The following SIK2 variants were observed in gnomAD, a reference collection of about 807,000 sequenced individuals.
SIK2 encodes the protein serine/threonine-protein kinase SIK2.
SIK2 carries 29 observed loss-of-function variants against 103.2 expected under a neutral mutation model. The ratio of observed to expected loss-of-function variants is 0.28; its 90% CI spans 0.21 to 0.38. SIK2 has a LOEUF of 0.38. Ranked by LOEUF, SIK2 falls within the 10% of genes least tolerant of loss-of-function variation. SIK2 has a pLI of 1.00. For synonymous variants in SIK2, 412 were observed against 446.1 expected (o/e 0.92, Z 0.96); for missense variants, 879 against 1,171.0 (o/e 0.75, Z 3.64).
intron 3 of SIK2, among the ~76,000 whole-genome samples, chr11:111,683,649 G>A (rs530880730): frequency 1.4e-4 from 22 of 151,916 alleles, no homozygotes; most frequent in South Asian, 2.1e-4. Context: ...ATGGGGTTTC[G>A]CCAGGTTGGC....
Position 111,722,655 on chromosome 11 carries a change from G to A in SIK2, c.2056-10G>A. ...ATTGTCACGCTCATGTTGTTTTTCTGCTCTTCCAGAAGCCCAGCCTTCTGT... is the reference window on the plus strand; with the variant it reads ...ATTGTCACGCTCATGTTGTTTTTCTACTCTTCCAGAAGCCCAGCCTTCTGT... On this transcript the variant is annotated splice_polypyrimidine_tract_variant and intron_variant, in intron 13 of 14. Coordinates refer to ENST00000304987, the MANE Select transcript of SIK2 (RefSeq NM_015191.3). This position sits in a 1 kb window ranked among gnomAD's most constrained non-coding sequence, Gnocchi z 4.4. The A allele has an allele frequency of 6.2e-7, 1 of 1,612,494 alleles. No homozygotes were observed. The highest frequency in any genetic ancestry group is 8.5e-7 in the Non-Finnish European group (1 of 1,179,430).
rs766988485 is a variant in SIK2, at chr11:111,729,597, T to A, written c.*5468T>A. 6.6e-6 allele frequency: 1 copy of A among 152,268 alleles called. No individual in the cohort carries two copies. The highest frequency in any genetic ancestry group is 2.4e-5 in the African/African-American group (1 of 41,468). The allele number at this position is 152,268 out of a possible 1,614,324, so 9.4% of individuals were successfully genotyped here. ...GTTTTGGTTCTCTGGCTTCTAGTGCTGGAAGAAGCCCTCTCTTTCCCTTCT... is the reference window on the plus strand; with the variant it reads ...GTTTTGGTTCTCTGGCTTCTAGTGCAGGAAGAAGCCCTCTCTTTCCCTTCT... On this transcript the variant is annotated 3_prime_UTR_variant, in exon 15 of 15. Coordinates refer to ENST00000304987, the MANE Select transcript of SIK2 (RefSeq NM_015191.3).
chr11:111,629,302 T>C (rs7934922), intron 3 of SIK2, among the ~76,000 whole-genome samples: 91,943 of 152,044 alleles, frequency 0.6, 31,050 homozygotes, highest in East Asian at 0.96. Flanking sequence ...AGTAATTTGT[T>C]CAAAGTCACA....
chr11:111,668,230 C>A (rs1240633179), intron 3 of SIK2, among the ~76,000 whole-genome samples: 1 of 151,816 alleles, frequency 6.6e-6, no homozygotes, highest in Non-Finnish European at 1.5e-5. Flanking sequence ...GCATGTCCAT[C>A]CACATGCACA....
At chr11:111,624,432 C>T (rs746510894) in intron 3 of SIK2, among the ~76,000 whole-genome samples, 1 of 152,168 alleles carries the variant, frequency 6.6e-6, no homozygotes, top group Admixed American at 6.5e-5. Context: ...TTTACAATGC[C>T]GGCTATACCA....
intron 2 of SIK2, among the ~76,000 whole-genome samples, chr11:111,617,584 T>C (rs947021497): frequency 7.2e-5 from 11 of 152,188 alleles, no homozygotes; most frequent in African/African-American, 2.7e-4. Context: ...TCACAGAAAC[T>C]GGCTTACAAA....
At chr11:111,614,494 T>C (rs925112525) in intron 1 of SIK2, among the ~76,000 whole-genome samples, 17 of 152,196 alleles carry the variant, frequency 1.1e-4, no homozygotes, top group Non-Finnish European at 2.4e-4. Context: ...TATACTTTAT[T>C]CTTATAATAA....
At chr11:111,695,782 G>T (rs914343603) in intron 4 of SIK2, among the ~76,000 whole-genome samples, 13 of 152,106 alleles carry the variant, frequency 8.5e-5, no homozygotes, top group African/African-American at 3.1e-4. Flanking sequence ...TCTCCATTTT[G>T]TATTTGGTTC....
chr11:111,625,439 A>T (rs931001373), intron 3 of SIK2, among the ~76,000 whole-genome samples: 1 of 152,166 alleles, frequency 6.6e-6, no homozygotes, highest in African/African-American at 2.4e-5. Flanking sequence ...AGTAATAGGT[A>T]TAATTATGGA....
At chr11:111,664,611 A>C (rs1452362244) in intron 3 of SIK2, among the ~76,000 whole-genome samples, 1 of 152,136 alleles carries the variant, frequency 6.6e-6, no homozygotes. Flanking sequence ...GCGAGACTCC[A>C]TCTCAAAGAA....
At chr11:111,712,120 C>A in intron 8 of SIK2, 91 bp from the exon 9 acceptor site, 1 of 1,286,126 alleles carries the variant, frequency 7.8e-7, no homozygotes, top group South Asian at 1.4e-5. Context: ...CTTTAATTGC[C>A]ACAGGAAGAA....
intron 3 of SIK2, among the ~76,000 whole-genome samples, chr11:111,685,229 C>A (rs1942829990): frequency 6.6e-6 from 1 of 152,182 alleles, no homozygotes; most frequent in South Asian, 2.1e-4. Flanking sequence ...TAGTTAGATT[C>A]TCAAAAGGAG....
At chr11:111,710,952 G>C (rs993803614) in intron 8 of SIK2, among the ~76,000 whole-genome samples, 1 of 152,134 alleles carries the variant, frequency 6.6e-6, no homozygotes, top group Non-Finnish European at 1.5e-5. Context: ...TCATAGTCTA[G>C]TATGATGATT....
chr11:111,631,548 A>G (rs969749344), intron 3 of SIK2, among the ~76,000 whole-genome samples: 2 of 152,148 alleles, frequency 1.3e-5, no homozygotes, highest in Non-Finnish European at 2.9e-5. Flanking sequence ...TTCAGGAGAG[A>G]GATAAGTGAA....
intron 1 of SIK2, among the ~76,000 whole-genome samples, chr11:111,605,547 T>C (rs1941638847): frequency 6.6e-6 from 1 of 152,238 alleles, no homozygotes; most frequent in Admixed American, 6.5e-5. Flanking sequence ...AAAGTTTCTT[T>C]ATATACTATG....
intron 3 of SIK2, among the ~76,000 whole-genome samples, chr11:111,666,202 G>A (rs1942539260): frequency 6.6e-6 from 1 of 152,196 alleles, no homozygotes; most frequent in African/African-American, 2.4e-5. Context: ...CATGAAATCA[G>A]CATAGTTACC....
intron 2 of SIK2, among the ~76,000 whole-genome samples, chr11:111,618,437 A>G (rs2135838242): frequency 6.6e-6 from 1 of 152,322 alleles, no homozygotes; most frequent in African/African-American, 2.4e-5. Flanking sequence ...CCTCCTGAGA[A>G]TGAGAGACTA....
At chr11:111,649,205 G>A (rs888758528) in intron 3 of SIK2, among the ~76,000 whole-genome samples, 5 of 152,056 alleles carry the variant, frequency 3.3e-5, no homozygotes, top group African/African-American at 4.8e-5. Context: ...TGAGTACAGC[G>A]TTGTGTTGAT....
rs1371438765 is a variant in SIK2 at position 111,724,160 on chromosome 11, G to A, written c.*31G>A. 6.3e-7 allele frequency: 1 copy of A among 1,588,220 alleles called. No individual in the cohort carries two copies. Among genetic ancestry groups the A allele is most frequent in the South Asian group, 1.1e-5 (1 of 89,160 alleles). On this transcript the variant is annotated 3_prime_UTR_variant, in exon 15 of 15. Coordinates refer to ENST00000304987, the MANE Select transcript of SIK2 (RefSeq NM_015191.3). ...GCACAGGAATTGAGGTGGGTCAGGT[G>A]AAGGAAGAGTGTATGTTCCTATTTT...
Sources: gnomAD v4.1 joint callset for allele counts (sites outside exome capture counted in the v4.1 genomes callset) on GRCh38, gnomAD v4.1.1 for gene constraint, Gnocchi (gnomAD v3.1) non-coding constraint, MANE v1.5 for transcripts, NCBI Gene and HGNC (gene_info 2026-07-23, HGNC 2026-07-21) for gene names.